Variants in AIFM2 observed in about 807,000 individuals in gnomAD.
AIFM2 encodes the protein ferroptosis suppressor protein 1.
In AIFM2, 38 loss-of-function variants were observed where a neutral mutation model predicts 35.7. The ratio of observed to expected loss-of-function variants is 1.06; its 90% confidence interval spans 0.82 to 1.39. The LOEUF (loss-of-function observed/expected upper bound fraction) is 1.39, where lower values mean the gene tolerates loss of function less well. AIFM2 is among the 40% of genes most tolerant of loss of function. The probability of loss-of-function intolerance (pLI) is 0.00; values close to 1 mark genes in which losing one functional copy is unlikely to be tolerated. For missense variants in AIFM2, 476 were observed against 491.2 expected (o/e 0.97, Z 0.29); for synonymous variants, 185 against 203.5 (o/e 0.91, Z 0.77).
In AIFM2 at chr10:70,114,265, A is replaced by C. The variant is rs747474561; in HGVS notation, c.1035T>G (p.Tyr345Ter). 6.2e-7 allele frequency: 1 copy of C among 1,613,918 alleles called. No individual in the cohort carries two copies. Among genetic ancestry groups the C allele is most frequent in the South Asian group, 1.1e-5 (1 of 91,082 alleles). The change falls in exon 9 of 9, where the codon TAT (tyrosine) becomes TAG (stop). Residue 345 changes from tyrosine (Y) to a stop codon, truncating the protein, a stop_gained. Transcript: ENST00000307864. LOFTEE classifies it high-confidence loss of function. ...TCAGCCGAACCATGAGCCGGCCCAC[A>C]TAGAAGCCACTGATTTGGCCCACAC... ...NDGVGQISGF[Y>*]VGRLMVRLTK... is the part of the protein sequence containing the mutation.
chr10:70,116,969 C>T (rs767338032), intron 6 of AIFM2, among the ~76,000 whole-genome samples, 195 bp from the exon 7 acceptor site: 5 of 152,196 alleles, frequency 3.3e-5, no homozygotes, highest in Non-Finnish European at 7.3e-5. Flanking sequence ...CATCTGGCCC[C>T]GAGGGGTCCC....
chr10:70,128,272 C>G (rs1038174604), intron 1 of AIFM2, among the ~76,000 whole-genome samples: 2 of 152,228 alleles, frequency 1.3e-5, no homozygotes, highest in African/African-American at 4.8e-5. Flanking sequence ...TGGAAACTGC[C>G]ACCAATGAGA....
rs769215704 is a variant in AIFM2, at chr10:70,114,443, C to T, written c.971-114G>A. 16 of 1,364,656 alleles carry T rather than the reference C, an allele frequency of 1.2e-5. 1 individual carries two copies. Among genetic ancestry groups the T allele is most frequent in the South Asian group, 2.6e-5 (2 of 77,968 alleles). The allele number at this position is 1,364,656 out of a possible 1,614,324, so 84.5% of individuals were successfully genotyped here. On this transcript the variant is annotated intron_variant, in intron 8 of 8. Coordinates refer to ENST00000307864, the MANE Select transcript of AIFM2 (RefSeq NM_032797.6). Reference sequence around the variant, plus strand: ...AGACTCAGGGCCGGAAATGTGAAATCGCTTTAGGAAGGTGGGTGAGACCCT... The same window carrying T: ...AGACTCAGGGCCGGAAATGTGAAATTGCTTTAGGAAGGTGGGTGAGACCCT...
Position 70,117,990 on chromosome 10 carries a change from G to A in AIFM2, c.508-70C>T, listed in dbSNP as rs560767654. 29 of 1,104,378 alleles carry A rather than the reference G, an allele frequency of 2.6e-5. No individual in the cohort carries two copies. The highest frequency in any genetic ancestry group is 3.1e-5 in the Non-Finnish European group (23 of 736,144). The allele number at this position is 1,104,378 out of a possible 1,614,324, so 68.4% of individuals were successfully genotyped here. On this transcript the variant is annotated intron_variant, in intron 5 of 8. Coordinates refer to ENST00000307864, the MANE Select transcript of AIFM2 (RefSeq NM_032797.6). The surrounding 1 kb of genome is among the most constrained non-coding windows in gnomAD (Gnocchi z 4.7). ...CTTCAAACACAATCATTGCACGAAC[G>A]TCCACCTCCACTCATACCTCCAGGT...
rs184973952 is a variant in AIFM2, at chr10:70,113,087, C to T, written c.*1091G>A. The T allele has an allele frequency of 6.6e-6, 1 of 152,332 alleles. No individual in the cohort carries two copies. Among genetic ancestry groups the T allele is most frequent in the East Asian group, 1.9e-4 (1 of 5,184 alleles). 9.4% of individuals were successfully genotyped at this position (152,332 alleles called of 1,614,324 possible). A position where few individuals can be genotyped will look rare whatever the true frequency, so the allele number is the denominator to read the frequency against. On this transcript the variant is annotated 3_prime_UTR_variant, in exon 9 of 9. Transcript: ENST00000307864. ...CACATTATCTGCCCTTCCTTAAACA[C>T]CTCCAATGGCTGGCAGGCCAGGCTG...
At chr10:70,116,923 C>T in intron 6 of AIFM2, 149 bp from the exon 7 acceptor site, 3 of 899,462 alleles carry the variant, frequency 3.3e-6, no homozygotes. Context: ...ATGCCCCTCC[C>T]TCAGTCCACT....
chr10:70,122,713 C>A (rs1003281965), intron 3 of AIFM2, among the ~76,000 whole-genome samples: 1 of 152,226 alleles, frequency 6.6e-6, no homozygotes, highest in Non-Finnish European at 1.5e-5. Flanking sequence ...GCTTTTAGAG[C>A]ATGGGCTCTG....
chr10:70,117,732 GCTGGAAGCAGTCAC>G lies in AIFM2; in HGVS notation c.616+66_616+79del. 1 of 1,207,810 alleles carries G rather than the reference GCTGGAAGCAGTCAC, an allele frequency of 8.3e-7. No individual in the cohort carries two copies. The highest frequency in any genetic ancestry group is 1.2e-6 in the Non-Finnish European group (1 of 859,224). 74.8% of individuals were successfully genotyped at this position (1,207,810 alleles called of 1,614,324 possible). ...TGGGGTGGACCATAGCCACCCTCCT[GCTGGAAGCAGTCAC>G]CAAGCCTCCAAGCCACATCTCACCA... On this transcript the variant is annotated intron_variant, in intron 6 of 8. Coordinates refer to ENST00000307864, the MANE Select transcript of AIFM2 (RefSeq NM_032797.6). This position sits in a 1 kb window ranked among gnomAD's most constrained non-coding sequence, Gnocchi z 4.7.
Position 70,116,571 on chromosome 10 carries a change from G to T in AIFM2, c.769+51C>A, listed in dbSNP as rs773628037. On this transcript the variant is annotated intron_variant, in intron 7 of 8. Transcript: ENST00000307864. ...GCAAGCACTGCAGGGCATTCAGAGG[G>T]TACTGGAGAGCAAGGAGGCACAGGG... The T allele has an allele frequency of 2.5e-6, 4 of 1,608,800 alleles. No individual in the cohort carries two copies. The South Asian group carries it at 4.4e-5, about 18-fold the overall frequency.
intron 1 of AIFM2, among the ~76,000 whole-genome samples, chr10:70,125,426 C>T (rs1430697126): frequency 1.9e-5 from 2 of 106,050 alleles, no homozygotes; most frequent in Non-Finnish European, 3.5e-5. Flanking sequence ...CATAGAGAGA[C>T]TCTGTCTCTA....
In AIFM2 at chr10:70,114,960, G is replaced by A; in HGVS notation, c.930C>T (p.Val310=). 1.2e-6 allele frequency: 2 copies of A among 1,614,206 alleles called. No homozygotes were observed. Among genetic ancestry groups the A allele is most frequent in the South Asian group, 2.2e-5 (2 of 91,078 alleles). ...GGAGAGGCCGCTGCTTCACAGAGTTGACGATGTTGGCCACGGCGATGTTGG... is the reference window on the plus strand; with the variant it reads ...GGAGAGGCCGCTGCTTCACAGAGTTAACGATGTTGGCCACGGCGATGTTGG... The part of the protein sequence containing the change: ...LHANIAVANI[V]NSVKQRPLQA... The change falls in exon 8 of 9, where the codon GTC becomes GTT. Residue 310 remains valine (V), a synonymous_variant. Coordinates refer to ENST00000307864, the MANE Select transcript of AIFM2 (RefSeq NM_032797.6).
rs747935542 is a variant in AIFM2, at chr10:70,114,177, A to G, written c.*1T>C. 1 of 1,611,268 alleles carries G rather than the reference A, an allele frequency of 6.2e-7. No individual in the cohort carries two copies. Among genetic ancestry groups the G allele is most frequent in the South Asian group, 1.1e-5 (1 of 90,978 alleles). ...GGTAGTTCTCCCGCCTGGCCTCTCC[A>G]TCAAGGTGGAGACTGCCTCATGGTT... On this transcript the variant is annotated 3_prime_UTR_variant, in exon 9 of 9. Transcript: ENST00000307864.
At position 70,131,596 on chromosome 10, in the gene AIFM2, A is replaced by G. The variant is rs1035646828; in HGVS notation, c.-14+1138T>C. Among the ~76,000 whole-genome samples, 8 of 152,192 alleles carry G rather than the reference A, an allele frequency of 5.3e-5. No individual in the cohort carries two copies. Among genetic ancestry groups the G allele is most frequent in the Non-Finnish European group, 8.8e-5 (6 of 68,038 alleles). On this transcript the variant is annotated intron_variant, in intron 1 of 8. Transcript: ENST00000307864. The surrounding 1 kb of genome is among the most constrained non-coding windows in gnomAD (Gnocchi z 4.1). ...CAAGCAATTTGTCCATCCTCCTCAG[A>G]GCCAGTTTTGTGGTCCCCATGGTCT...
intron 3 of AIFM2, among the ~76,000 whole-genome samples, chr10:70,122,308 T>C (rs2072518519): frequency 6.6e-6 from 1 of 152,168 alleles, no homozygotes; most frequent in African/African-American, 2.4e-5. Context: ...GGCTGGAGAC[T>C]GCAGGACCAG....
intron 4 of AIFM2, 87 bp downstream of exon 4, chr10:70,121,005 C>T (rs537787329): frequency 4.6e-6 from 7 of 1,535,636 alleles, no homozygotes; most frequent in East Asian, 2.3e-5. Context: ...TGAGTAACCC[C>T]GTGGCCTCCC....
At chr10:70,118,679 A>C (rs1329212541) in intron 5 of AIFM2, among the ~76,000 whole-genome samples, 3 of 152,168 alleles carry the variant, frequency 2.0e-5, no homozygotes, top group Non-Finnish European at 4.4e-5. Flanking sequence ...TAAGAAGAAA[A>C]GTATATATTG....
Position 70,112,951 on chromosome 10 carries a change from G to A in AIFM2, c.*1227C>T, listed in dbSNP as rs1404648368. On this transcript the variant is annotated 3_prime_UTR_variant, in exon 9 of 9. Coordinates refer to ENST00000307864, the MANE Select transcript of AIFM2 (RefSeq NM_032797.6). ...CTCCCCATTCCCAGCATCAGCTGGAGTTTTGTCACTTACAAATCTGCCCAT... is the reference window on the plus strand; with the variant it reads ...CTCCCCATTCCCAGCATCAGCTGGAATTTTGTCACTTACAAATCTGCCCAT... 6.6e-6 allele frequency: 1 copy of A among 152,232 alleles called. No individual in the cohort carries two copies. The highest frequency in any genetic ancestry group is 1.5e-5 in the Non-Finnish European group (1 of 68,042). The allele number at this position is 152,232 out of a possible 1,614,324, so 9.4% of individuals were successfully genotyped here.
At position 70,117,680 on chromosome 10, in the gene AIFM2, C is replaced by CCTG; in HGVS notation, c.616+131_616+132insCAG. The CCTG allele has an allele frequency of 1.5e-6, 1 of 672,972 alleles. No homozygotes were observed. Among genetic ancestry groups the CCTG allele is most frequent in the East Asian group, 3.0e-5 (1 of 33,876 alleles). 41.7% of individuals were successfully genotyped at this position (672,972 alleles called of 1,614,324 possible). On this transcript the variant is annotated intron_variant, in intron 6 of 8. Coordinates refer to ENST00000307864, the MANE Select transcript of AIFM2 (RefSeq NM_032797.6). This position sits in a 1 kb window ranked among gnomAD's most constrained non-coding sequence, Gnocchi z 4.7. ...TCTTCTGAGCGCTTCATGCTCCACCCCAGGACACAGTGGAAAAGAGAGAGC... is the reference window on the plus strand; with the variant it reads ...TCTTCTGAGCGCTTCATGCTCCACCCCTGCAGGACACAGTGGAAAAGAGAGAGC...
intron 7 of AIFM2, 37 bp from the exon 8 acceptor site, chr10:70,115,157 G>A (rs370885994): frequency 3.1e-6 from 5 of 1,603,876 alleles, no homozygotes; most frequent in Non-Finnish European, 4.3e-6. Flanking sequence ...AAGACACTGA[G>A]CTGCTGTGTT....
Sources: gnomAD v4.1 joint callset for allele counts (sites outside exome capture counted in the v4.1 genomes callset) on GRCh38, gnomAD v4.1.1 for gene constraint, Gnocchi (gnomAD v3.1) non-coding constraint, MANE v1.5 for transcripts, NCBI Gene and HGNC (gene_info 2026-07-23, HGNC 2026-07-21) for gene names.